Variants in GART observed in about 807,000 individuals in gnomAD.
The protein encoded by GART is trifunctional purine biosynthetic protein adenosine-3.
Under a neutral mutation model 107.2 loss-of-function variants are expected in GART, and 43 were observed. The ratio of observed to expected loss-of-function variants is 0.40; its 90% CI spans 0.31 to 0.52. The LOEUF (loss-of-function observed/expected upper bound fraction) is 0.52. Among genes scored for constraint, GART ranks in the 20% least tolerant of loss-of-function variants. GART has a pLI of 0.52. For synonymous variants in GART, 434 were observed against 427.0 expected (o/e 1.02, Z -0.20); for missense variants, 1,107 against 1,206.5 (o/e 0.92, Z 1.22).
chr21:33,520,415 C>T lies in GART; in HGVS notation c.1651G>A (p.Val551Ile). 2 of 1,614,132 alleles carry T rather than the reference C, an allele frequency of 1.2e-6. No individual in the cohort carries two copies. The highest frequency in any genetic ancestry group is 1.7e-6 in the Non-Finnish European group (2 of 1,179,992). The stretch of plus-strand genomic sequence containing the variant: ...CAAGCTTTAGCAATTCCAGCAACAA[C>T]AGCTTCAGTTACACTGAGGTCAAGT... ...GKLDLSVTEA[V>I]VAGIAKACGK... Residue 551 changes from valine to isoleucine, a missense_variant, in exon 14 of 22, where the codon GTT becomes ATT. Transcript: ENST00000381815.
At chr21:33,528,103 G>C in intron 10 of GART, 64 bp downstream of exon 10, 7 of 1,466,042 alleles carry the variant, frequency 4.8e-6, no homozygotes, top group Admixed American at 1.7e-5. Flanking sequence ...GTGTGAGAGG[G>C]GGGTCTGCTG....
chr21:33,539,822 C>T (rs2085377229), intron 1 of GART, among the ~76,000 whole-genome samples: 1 of 152,142 alleles, frequency 6.6e-6, no homozygotes, highest in African/African-American at 2.4e-5. Context: ...TGACTGTCGT[C>T]ATAAGCATAA....
chr21:33,529,016 G>A, intron 7 of GART, 79 bp from the exon 8 acceptor site: 2 of 857,394 alleles, frequency 2.3e-6, no homozygotes, highest in Non-Finnish European at 1.9e-6. Context: ...CAACAGAAGG[G>A]GATGATGAGG....
At chr21:33,530,713 G>A in intron 7 of GART, 46 bp downstream of exon 7, 2 of 1,355,718 alleles carry the variant, frequency 1.5e-6, no homozygotes. Context: ...AGTTCTCTGA[G>A]AAAACCAAAC....
chr21:33,518,656 T>A, intron 14 of GART: 1 of 417,036 alleles, frequency 2.4e-6, no homozygotes, highest in Admixed American at 2.9e-5. Context: ...TTTTTTCTTC[T>A]TCAGAAGTTG....
intron 17 of GART, among the ~76,000 whole-genome samples, chr21:33,510,519 A>G (rs1470014552): frequency 6.6e-6 from 1 of 150,976 alleles, no homozygotes; most frequent in Admixed American, 6.6e-5. Context: ...ATTAGTAGAG[A>G]CGGGGTTTCA....
At chr21:33,531,431 A>T in intron 6 of GART, 58 bp downstream of exon 6, 1 of 1,460,858 alleles carries the variant, frequency 6.8e-7, no homozygotes, top group Non-Finnish European at 9.5e-7. Flanking sequence ...TCTGGGGTAC[A>T]CAGGTCAGAT....
chr21:33,537,923 C>A (rs1479281393), intron 2 of GART, among the ~76,000 whole-genome samples: 2 of 151,978 alleles, frequency 1.3e-5, no homozygotes, highest in Non-Finnish European at 1.5e-5. Context: ...ATGAACTGAC[C>A]ATTTTTTCAT....
rs746425996 is a variant in GART, at chr21:33,521,153, C to T, written c.1394-138G>A. 47 of 635,412 alleles carry T rather than the reference C, an allele frequency of 7.4e-5. 1 individual carries two copies. Among genetic ancestry groups the T allele is most frequent in the Admixed American group, 4.1e-4 (14 of 34,418 alleles). The allele number at this position is 635,412 out of a possible 1,614,324, so 39.4% of individuals were successfully genotyped here. ...TTCTGGAAGAAATAGATGATTGGAA[C>T]AGCTGTTCTCAGAGATGACATAATC... On this transcript the variant is annotated intron_variant, in intron 12 of 21. Coordinates refer to ENST00000381815, the MANE Select transcript of GART (RefSeq NM_000819.5).
intron 12 of GART, among the ~76,000 whole-genome samples, chr21:33,521,951 CA>C (rs1252653074): frequency 0.029 from 2,439 of 82,818 alleles, 75 homozygotes; most frequent in African/African-American, 0.095. Context: ...ACTCTTGTCT[CA>C]AAAAAAAAAA....
intron 11 of GART, among the ~76,000 whole-genome samples, chr21:33,523,599 TA>T (rs979386362): frequency 2.6e-5 from 4 of 152,174 alleles, no homozygotes; most frequent in African/African-American, 7.2e-5. Flanking sequence ...ATTACGTTGG[TA>T]AAAAAATTTT....
At chr21:33,506,125 C>T in intron 18 of GART, 21 bp from the exon 19 acceptor site, 1 of 1,606,542 alleles carries the variant, frequency 6.2e-7, no homozygotes, top group Non-Finnish European at 8.5e-7. Context: ...AGAAAAACAG[C>T]AGTGAGCTCA....
chr21:33,534,859 T>C, intron 3 of GART, 106 bp from the exon 4 acceptor site: 1 of 967,294 alleles, frequency 1.0e-6, no homozygotes, highest in Non-Finnish European at 1.5e-6. Flanking sequence ...ACAAGGCAGA[T>C]GACTGGTGGC....
chr21:33,506,109 G>A lies in GART; in HGVS notation c.2453-5C>T. 1 of 1,611,142 alleles carries A rather than the reference G, an allele frequency of 6.2e-7. No individual in the cohort carries two copies. Reference sequence around the variant, plus strand: ...TAAGTGCTTGCAGGTTCGATCCTGAGAAGGGAGAAAAACAGCAGTGAGCTC... The same window carrying A: ...TAAGTGCTTGCAGGTTCGATCCTGAAAAGGGAGAAAAACAGCAGTGAGCTC... On this transcript the variant is annotated splice_region_variant and splice_polypyrimidine_tract_variant and intron_variant, in intron 18 of 21. Coordinates refer to ENST00000381815, the MANE Select transcript of GART (RefSeq NM_000819.5).
chr21:33,515,138 C>A (rs2084851772), intron 16 of GART, among the ~76,000 whole-genome samples: 1 of 152,162 alleles, frequency 6.6e-6, no homozygotes, highest in South Asian at 2.1e-4. Context: ...TTCACCTGTG[C>A]CTTCAGTCCT....
At position 33,509,965 on chromosome 21, in the gene GART, AT is replaced by A; in HGVS notation, c.2315-46del. 4 of 1,534,798 alleles carry A rather than the reference AT, an allele frequency of 2.6e-6. 2 individuals are homozygous for A. The South Asian group carries it at 4.7e-5, about 18-fold the overall frequency. On this transcript the variant is annotated intron_variant, in intron 17 of 21. Transcript: ENST00000381815. ...ATAAATAAGTAAAGAACAATTGTGA[AT>A]TAACAAGAATAATGGAAAGAAAAAT...
intron 1 of GART, among the ~76,000 whole-genome samples, chr21:33,541,147 T>C (rs1408441651): frequency 2.0e-5 from 3 of 151,318 alleles, no homozygotes; most frequent in Non-Finnish European, 4.4e-5. Context: ...TTTTATTTTA[T>C]TTATTTATTT....
intron 16 of GART, among the ~76,000 whole-genome samples, chr21:33,513,109 G>C (rs1200989900): frequency 1.9e-4 from 4 of 20,974 alleles, no homozygotes; most frequent in Non-Finnish European, 2.8e-4. Context: ...GTGTCTCTGT[G>C]TGTGTGTGTG....
intron 17 of GART, among the ~76,000 whole-genome samples, chr21:33,511,048 C>G (rs929887388): frequency 1.3e-5 from 2 of 152,006 alleles, no homozygotes; most frequent in African/African-American, 2.4e-5. Flanking sequence ...GCTGTGCATG[C>G]ATGAATGCTT....
Sources: gnomAD v4.1 joint callset for allele counts (sites outside exome capture counted in the v4.1 genomes callset) on GRCh38, gnomAD v4.1.1 for gene constraint, MANE v1.5 for transcripts, NCBI Gene and HGNC (gene_info 2026-07-23, HGNC 2026-07-21) for gene names.